Variants in PLXNC1 observed in about 807,000 individuals in gnomAD.
The protein encoded by PLXNC1 is plexin C1, also known as plexin-C1.
In PLXNC1, 75 loss-of-function variants were observed where a neutral mutation model predicts 178.2. That is an observed-to-expected ratio of 0.42 (90% confidence interval 0.35 to 0.51). PLXNC1 has a LOEUF of 0.51. PLXNC1 is among the 20% of genes least tolerant of loss of function. The pLI is 0.02. For synonymous variants in PLXNC1, 790 were observed against 779.9 expected, an observed-to-expected ratio of 1.01 and a Z score of -0.22; for missense variants, 1,503 against 1,984.4, an observed-to-expected ratio of 0.76 and a Z score of 4.61.
chr12:94,304,811 C>G (rs1968835873), intron 30 of PLXNC1, among the ~76,000 whole-genome samples: 1 of 152,188 alleles, frequency 6.6e-6, no homozygotes, highest in Non-Finnish European at 1.5e-5. Context: ...AAGGATCTGT[C>G]TCTGACCAGG....
intron 1 of PLXNC1, among the ~76,000 whole-genome samples, chr12:94,165,650 CA>C (rs1225170396): frequency 6.7e-5 from 10 of 149,366 alleles, no homozygotes; most frequent in Admixed American, 6.6e-4. Flanking sequence ...TTCCAAGTAG[CA>C]GAAAACGCAA....
intron 23 of PLXNC1, among the ~76,000 whole-genome samples, chr12:94,284,668 A>G (rs1966715538): frequency 6.6e-6 from 1 of 151,934 alleles, no homozygotes; most frequent in African/African-American, 2.4e-5. Context: ...GGTAACAGCT[A>G]GTCAGTGGCA....
At chr12:94,255,332 C>T in intron 17 of PLXNC1, 36 bp downstream of exon 17, 2 of 1,322,660 alleles carry the variant, frequency 1.5e-6, no homozygotes, top group Non-Finnish European at 2.2e-6. Context: ...AAGGTTGAGT[C>T]TTGAATAATA....
At chr12:94,255,321 G>C in intron 17 of PLXNC1, 25 bp downstream of exon 17, 1 of 1,455,398 alleles carries the variant, frequency 6.9e-7, no homozygotes, top group Non-Finnish European at 9.7e-7. Context: ...ATCATATTCC[G>C]AAGGTTGAGT....
At chr12:94,271,818 G>A (rs748480823) in intron 21 of PLXNC1, among the ~76,000 whole-genome samples, 2 of 152,158 alleles carry the variant, frequency 1.3e-5, no homozygotes, top group African/African-American at 2.4e-5. Flanking sequence ...AAAGTGTCCC[G>A]TCAGTATTCT....
chr12:94,186,348 G>T, intron 3 of PLXNC1, 25 bp from the exon 4 acceptor site: 1 of 1,520,554 alleles, frequency 6.6e-7, no homozygotes, highest in South Asian at 1.1e-5. Context: ...AATTCCATCT[G>T]AACCATTGTC....
chr12:94,274,431 A>G (rs1283530377), intron 21 of PLXNC1, among the ~76,000 whole-genome samples: 1 of 152,140 alleles, frequency 6.6e-6, no homozygotes, highest in Non-Finnish European at 1.5e-5. Context: ...GCTGCTGATC[A>G]TGCCTCCCAA....
chr12:94,181,216 A>G (rs1018569827), intron 2 of PLXNC1, among the ~76,000 whole-genome samples: 8 of 151,826 alleles, frequency 5.3e-5, no homozygotes, highest in Admixed American at 4.6e-4. Flanking sequence ...TGGCCAACGT[A>G]GTGAAACCCC....
At chr12:94,196,833 C>T (rs1354144020) in intron 4 of PLXNC1, among the ~76,000 whole-genome samples, 1 of 152,212 alleles carries the variant, frequency 6.6e-6, no homozygotes, top group Non-Finnish European at 1.5e-5. Flanking sequence ...ATGAAGAAAG[C>T]ACTATTACAA....
At chr12:94,173,203 G>A (rs145239825) in intron 2 of PLXNC1, among the ~76,000 whole-genome samples, 2 of 152,256 alleles carry the variant, frequency 1.3e-5, no homozygotes, top group East Asian at 1.9e-4. Context: ...GTTGCACAAT[G>A]TATGCATTTC....
chr12:94,289,541 G>A (rs1967061905), intron 23 of PLXNC1, among the ~76,000 whole-genome samples: 1 of 152,142 alleles, frequency 6.6e-6, no homozygotes, highest in African/African-American at 2.4e-5. Context: ...CCCAGAGGAC[G>A]CTCCCTGCCT....
At chr12:94,238,973 T>C (rs1342093567) in intron 10 of PLXNC1, among the ~76,000 whole-genome samples, 1 of 152,234 alleles carries the variant, frequency 6.6e-6, no homozygotes, top group Admixed American at 6.5e-5. Context: ...TTTCATTTTA[T>C]GTAGCGAAAT....
At chr12:94,288,756 A>G (rs1966958807) in intron 23 of PLXNC1, among the ~76,000 whole-genome samples, 1 of 152,232 alleles carries the variant, frequency 6.6e-6, no homozygotes, top group Non-Finnish European at 1.5e-5. Context: ...GAGGGAGAAG[A>G]CGATACTGAC....
At chr12:94,266,255 T>C (rs1965235034) in intron 21 of PLXNC1, among the ~76,000 whole-genome samples, 1 of 152,208 alleles carries the variant, frequency 6.6e-6, no homozygotes, top group African/African-American at 2.4e-5. Flanking sequence ...GTAGGTCAGC[T>C]GTTTCAAGTT....
intron 2 of PLXNC1, among the ~76,000 whole-genome samples, chr12:94,176,145 G>A (rs1172808591): frequency 1.3e-5 from 2 of 152,174 alleles, no homozygotes; most frequent in Admixed American, 1.3e-4. Flanking sequence ...AATTCAACCC[G>A]TTTTGGGTTT....
intron 1 of PLXNC1, among the ~76,000 whole-genome samples, chr12:94,152,823 T>C (rs1220023558): frequency 6.6e-6 from 1 of 152,212 alleles, no homozygotes; most frequent in Admixed American, 6.5e-5. Flanking sequence ...CTGGTTCTCT[T>C]ATCTCTTGTC....
intron 21 of PLXNC1, among the ~76,000 whole-genome samples, chr12:94,268,042 G>A (rs1565841523): frequency 2.0e-5 from 3 of 152,128 alleles, no homozygotes; most frequent in South Asian, 2.1e-4. Context: ...AAGGAAAGTC[G>A]GAAATCAAGA....
At chr12:94,262,432 C>A in intron 20 of PLXNC1, 1 of 934,898 alleles carries the variant, frequency 1.1e-6, no homozygotes, top group South Asian at 4.9e-5. Context: ...AAGGGCTGCT[C>A]TTGGGCATTA....
chr12:94,291,897 T>C (rs1479828936), intron 23 of PLXNC1, among the ~76,000 whole-genome samples: 2 of 152,184 alleles, frequency 1.3e-5, no homozygotes, highest in Non-Finnish European at 2.9e-5. Flanking sequence ...TTTTCAGCCC[T>C]TGCCCCAGAC....
Sources: gnomAD v4.1 joint callset for allele counts (sites outside exome capture counted in the v4.1 genomes callset) on GRCh38, gnomAD v4.1.1 for gene constraint, MANE v1.5 for transcripts, NCBI Gene and HGNC (gene_info 2026-07-23, HGNC 2026-07-21) for gene names.